ATP6V1E2: variants seen among roughly 807,000 people sequenced by gnomAD.
ATP6V1E2 encodes ATPase H+ transporting V1 subunit E2, also known as V-type proton ATPase subunit E 2.
For synonymous variants in ATP6V1E2, 121 were observed against 104.2 expected (o/e 1.16, Z -0.98); for missense variants, 308 against 273.3 (o/e 1.13, Z -0.90).
chr2:46,523,665 G>A (rs1337362443), intron 4 of ATP6V1E2, among the ~76,000 whole-genome samples: 10 of 152,204 alleles, frequency 6.6e-5, no homozygotes, highest in Non-Finnish European at 5.9e-5. Flanking sequence ...CAGGTAGTGT[G>A]ATGCCTCCAG....
chr2:46,537,729 G>A (rs1247476432), intron 2 of ATP6V1E2, among the ~76,000 whole-genome samples: 1 of 151,982 alleles, frequency 6.6e-6, no homozygotes, highest in African/African-American at 2.4e-5. Flanking sequence ...GCAACCTAAA[G>A]CATCCTAGCC....
chr2:46,530,029 T>C lies in ATP6V1E2; in HGVS notation c.-102+5784A>G, dbSNP rs1181217446. On this transcript the variant is annotated intron_variant, in intron 4 of 4. Transcript: ENST00000522587. The surrounding 1 kb of genome is among the most constrained non-coding windows in gnomAD (Gnocchi z 5.2). ...TATATTTATAACCTGTCCTGTTACATTGTTGCAAAGGGGGTTGAAGGATAT... is the reference window on the plus strand; with the variant it reads ...TATATTTATAACCTGTCCTGTTACACTGTTGCAAAGGGGGTTGAAGGATAT... Among the ~76,000 whole-genome samples, 1 of 152,152 alleles carries C rather than the reference T, an allele frequency of 6.6e-6. No individual in the cohort carries two copies. Among genetic ancestry groups the C allele is most frequent in the Non-Finnish European group, 1.5e-5 (1 of 68,026 alleles).
chr2:46,529,358 G>A (rs1386908775), intron 4 of ATP6V1E2, among the ~76,000 whole-genome samples: 2 of 152,228 alleles, frequency 1.3e-5, no homozygotes, highest in Admixed American at 6.5e-5. Context: ...CCCTCACCAT[G>A]CCTAGGGGCT....
chr2:46,522,743 T>C (rs1243845871), intron 4 of ATP6V1E2, among the ~76,000 whole-genome samples: 3 of 152,230 alleles, frequency 2.0e-5, no homozygotes, highest in African/African-American at 2.4e-5. Flanking sequence ...TATAATCTTT[T>C]GGGTATATAC....
intron 4 of ATP6V1E2, among the ~76,000 whole-genome samples, chr2:46,525,477 G>GAAAAA (rs541025098): frequency 7.9e-6 from 1 of 126,516 alleles, no homozygotes; most frequent in Non-Finnish European, 1.6e-5. Context: ...AAAAAAAAAA[G>GAAAAA]AAAAAAAAAA....
intron 4 of ATP6V1E2, among the ~76,000 whole-genome samples, chr2:46,525,523 G>C (rs1666875446): frequency 6.6e-6 from 1 of 151,032 alleles, no homozygotes. Flanking sequence ...TCCCTGGCGA[G>C]CAAGCTTGGG....
intron 4 of ATP6V1E2, chr2:46,534,609 T>C (rs1667348806): frequency 6.6e-6 from 1 of 152,236 alleles, no homozygotes; most frequent in Non-Finnish European, 1.5e-5. Flanking sequence ...TGTTGTTAAA[T>C]GTCTGTATTT....
chr2:46,538,840 A>G (rs1017649705), intron 2 of ATP6V1E2, among the ~76,000 whole-genome samples: 2 of 152,182 alleles, frequency 1.3e-5, no homozygotes, highest in Non-Finnish European at 2.9e-5. Context: ...TTGGTGGCTC[A>G]TGCCTATAAT....
In ATP6V1E2 at chr2:46,512,297, G is replaced by C; in HGVS notation, c.415C>G (p.Gln139Glu). 1 of 1,611,130 alleles carries C rather than the reference G, an allele frequency of 6.2e-7. No homozygotes were observed. Among genetic ancestry groups the C allele is most frequent in the Non-Finnish European group, 8.5e-7 (1 of 1,178,050 alleles). Reference sequence around the variant, plus strand: ...GCAGCCTCCACCAGGAGGAGGTCTTGTGGCCGGCAGCGTACAATCATCACA... The same window carrying C: ...GCAGCCTCCACCAGGAGGAGGTCTTCTGGCCGGCAGCGTACAATCATCACA... ...EPVMIVRCRP[Q>E]DLLLVEAAVQ... is the part of the protein sequence containing the mutation. The change falls in exon 5 of 5, where the codon CAA (glutamine) becomes GAA (glutamate). Residue 139 changes from glutamine to glutamate, a missense_variant. Physicochemically the swap from Gln to Glu is conservative, Grantham distance 29. Transcript: ENST00000522587.
chr2:46,525,270 C>G (rs112634955), intron 4 of ATP6V1E2, among the ~76,000 whole-genome samples: 1 of 151,318 alleles, frequency 6.6e-6, no homozygotes, highest in African/African-American at 2.4e-5. Flanking sequence ...GTCAGGAGAT[C>G]GAGACCACGG....
In ATP6V1E2 at chr2:46,530,833, C is replaced by G. The variant is rs528223253; in HGVS notation, c.-102+4980G>C. The stretch of plus-strand genomic sequence containing the variant: ...TACAGGGGAACTCCCCTTTGTAAAA[C>G]CATCAGATCTCATGAGACTTATTCA... On this transcript the variant is annotated intron_variant, in intron 4 of 4. Coordinates refer to ENST00000522587, the MANE Select transcript of ATP6V1E2 (RefSeq NM_001318063.2). This position sits in a 1 kb window ranked among gnomAD's most constrained non-coding sequence, Gnocchi z 5.2. Among the ~76,000 whole-genome samples the G allele has an allele frequency of 6.6e-6, 1 of 152,178 alleles. No homozygotes were observed. The highest frequency in any genetic ancestry group is 1.5e-5 in the Non-Finnish European group (1 of 68,032).
At chr2:46,541,292 T>A (rs1342893851) in intron 2 of ATP6V1E2, 98 bp downstream of exon 2, 1 of 152,230 alleles carries the variant, frequency 6.6e-6, no homozygotes, top group East Asian at 1.9e-4. Context: ...ATTCATTGCA[T>A]CTAAAGCAGC....
At chr2:46,531,987 T>C (rs1016843721) in intron 4 of ATP6V1E2, among the ~76,000 whole-genome samples, 52 of 152,384 alleles carry the variant, frequency 3.4e-4, no homozygotes, top group African/African-American at 1.3e-3. Flanking sequence ...CTGTATGCTG[T>C]CTTTTCACTT....
In ATP6V1E2 at chr2:46,536,028, G is replaced by A. The variant is rs188701502; in HGVS notation, c.-216-101C>T. On this transcript the variant is annotated intron_variant, in intron 3 of 4. Transcript: ENST00000522587. ...AGAGGAGACCACTCCTAAATCATAT[G>A]AGTATTCCATACCAGCAACCTCTAA... 3 of 152,312 alleles carry A rather than the reference G, an allele frequency of 2.0e-5. No individual in the cohort carries two copies. In the East Asian group the frequency reaches 5.8e-4, roughly 29 times the overall value. The allele number at this position is 152,312 out of a possible 1,614,324, so 9.4% of individuals were successfully genotyped here.
chr2:46,519,143 T>C (rs1172665305), intron 4 of ATP6V1E2: 1 of 152,194 alleles, frequency 6.6e-6, no homozygotes, highest in Non-Finnish European at 1.5e-5. Context: ...AAGAGGAGGC[T>C]AAAAGGGATT....
intron 4 of ATP6V1E2, among the ~76,000 whole-genome samples, chr2:46,531,116 T>C (rs1667161977): frequency 6.6e-6 from 1 of 152,206 alleles, no homozygotes; most frequent in African/African-American, 2.4e-5. Flanking sequence ...TCTATCTAGC[T>C]TCAAAACACT....
intron 2 of ATP6V1E2, among the ~76,000 whole-genome samples, chr2:46,540,568 T>A (rs552720181): frequency 6.7e-6 from 1 of 149,748 alleles, no homozygotes; most frequent in African/African-American, 2.4e-5. Context: ...AGAAACAAAG[T>A]GCTTTCTATC....
At chr2:46,526,102 A>C (rs551910910) in intron 4 of ATP6V1E2, among the ~76,000 whole-genome samples, 1 of 152,246 alleles carries the variant, frequency 6.6e-6, no homozygotes, top group Non-Finnish European at 1.5e-5. Context: ...ACCATTTTTA[A>C]GTGTACATTA....
intron 4 of ATP6V1E2, among the ~76,000 whole-genome samples, chr2:46,533,203 G>GTAGATAGATAGA (rs72186652): frequency 4.0e-5 from 6 of 148,220 alleles, no homozygotes; most frequent in Non-Finnish European, 5.9e-5. Context: ...GCATGTATGT[G>GTAGATAGATAGA]TAGATAGATA....
Sources: allele counts gnomAD v4.1 joint callset (sites outside exome capture counted in the v4.1 genomes callset), GRCh38; gene constraint gnomAD v4.1.1; non-coding constraint Gnocchi (gnomAD v3.1); transcripts MANE v1.5; gene names NCBI Gene and HGNC (gene_info 2026-07-23, HGNC 2026-07-21).